Variants in GDF5 observed in about 807,000 individuals in gnomAD.
GDF5 encodes growth differentiation factor 5.
GDF5 carries 17 observed loss-of-function variants against 34.6 expected under a neutral mutation model. That is an observed-to-expected ratio of 0.49 (90% CI 0.34 to 0.74). The LOEUF is 0.74. GDF5 is among the 30% of genes least tolerant of loss of function. The probability of loss-of-function intolerance (pLI) is 0.01; values close to 1 mark genes in which losing one functional copy is unlikely to be tolerated. For missense variants in GDF5, 616 were observed against 661.2 expected (o/e 0.93, Z 0.75); for synonymous variants, 332 against 290.7 (o/e 1.14, Z -1.44).
In GDF5 at chr20:35,446,146, A is replaced by T. The variant is rs1180889389; in HGVS notation, c.-397-4759T>A. 2.0e-5 allele frequency among the ~76,000 whole-genome samples: 3 copies of T among 151,840 alleles called. No individual in the cohort carries two copies. In the East Asian group the frequency reaches 5.8e-4, roughly 29 times the overall value. ...AACATGGTGAAACCCCGTCTCTACT[A>T]AAAATACAAAAAAAATAGCTGAATG... is the stretch of plus-strand genomic sequence containing the variant. On this transcript the variant is annotated intron_variant, in intron 1 of 3. Transcript: ENST00000374372.
At chr20:35,454,222 G>A (rs146360854) in intron 1 of GDF5, 14,495 of 352,314 alleles carry the variant, frequency 0.041, 563 homozygotes, top group South Asian at 0.11. Flanking sequence ...GGGAGGCCGA[G>A]GCGGGAGGAT....
upstream of GDF5, among the ~76,000 whole-genome samples, chr20:35,438,877 G>GTA (rs1276673232): frequency 1.2e-5 from 1 of 81,522 alleles, no homozygotes; most frequent in African/African-American, 3.5e-5. Flanking sequence ...GCCTGTGTGT[G>GTA]TGTGTGCCTG....
chr20:35,437,758 G>A lies in GDF5; in HGVS notation c.171C>T (p.Val57=). The A allele has an allele frequency of 6.2e-7, 1 of 1,612,590 alleles. No individual in the cohort carries two copies. The highest frequency in any genetic ancestry group is 8.5e-7 in the Non-Finnish European group (1 of 1,179,248). Residue 57 remains valine (V), a synonymous_variant, in exon 1 of 2, where the codon GTC becomes GTT. Coordinates refer to ENST00000374369, the MANE Select transcript of GDF5 (RefSeq NM_000557.5). ...CATAGCTGTGACCCCCTGGCCTGAA[G>A]ACGTTCCGGGCCAGGGGGGGCCTCT... The part of the protein sequence containing the change: ...AKERPPLARN[V]FRPGGHSYGG...
Position 35,437,454 on chromosome 20 carries a change from T to C in GDF5, c.475A>G (p.Lys159Glu), listed in dbSNP as rs1429891215. ...ATGGGGGGTGGGCGAAACGGCTCCT[T>C]GGGCTCTCGTGGGGGCCCGGGCTCC... ...AREPGPPREP[K>E]EPFRPPPITP... Residue 159 changes from lysine to glutamate, a missense_variant, in exon 1 of 2, where the codon AAG becomes GAG. Transcript: ENST00000374369. The C allele has an allele frequency of 1.2e-6, 2 of 1,613,932 alleles. No individual in the cohort carries two copies. The highest frequency in any genetic ancestry group is 1.7e-6 in the Non-Finnish European group (2 of 1,179,984).
At chr20:35,446,373 A>G (rs1441244342) in intron 1 of GDF5, among the ~76,000 whole-genome samples, 1 of 152,030 alleles carries the variant, frequency 6.6e-6, no homozygotes, top group Non-Finnish European at 1.5e-5. Flanking sequence ...GTGTTTATAT[A>G]TGTAAAGTAC....
At chr20:35,437,088 C>A (rs1048069645) in intron 1 of GDF5, among the ~76,000 whole-genome samples, 4 of 152,166 alleles carry the variant, frequency 2.6e-5, no homozygotes, top group Non-Finnish European at 4.4e-5. Flanking sequence ...AGGCGTTGGA[C>A]CTGGTGCTTC....
In GDF5 at chr20:35,434,706, C is replaced by T. The variant is rs751241018; in HGVS notation, c.709G>A (p.Ala237Thr). The T allele has an allele frequency of 1.9e-6, 3 of 1,611,960 alleles. No homozygotes were observed. Among genetic ancestry groups the T allele is most frequent in the African/African-American group, 1.3e-5 (1 of 74,924 alleles). The change falls in exon 2 of 2, where the codon GCC becomes ACC. Residue 237 changes from alanine (A) to threonine (T), a missense_variant. Coordinates refer to ENST00000374369, the MANE Select transcript of GDF5 (RefSeq NM_000557.5). ...SALEKDGLLGAELRILRKKPS... is the reference protein window; with the variant it reads ...SALEKDGLLGTELRILRKKPS... The stretch of plus-strand genomic sequence containing the variant: ...TTCTTCCGCAAGATCCGCAGCTCGG[C>T]CCCCAGCAGCCCATCCTTCTCCAGG...
upstream of GDF5, among the ~76,000 whole-genome samples, chr20:35,440,967 T>C (rs1460950509): frequency 6.6e-6 from 1 of 152,220 alleles, no homozygotes; most frequent in Admixed American, 6.5e-5. Context: ...TTTGTGGACA[T>C]AACCTGCCTT....
intron 1 of GDF5, among the ~76,000 whole-genome samples, chr20:35,451,273 G>C (rs1168297136): frequency 3.3e-5 from 5 of 151,782 alleles, no homozygotes; most frequent in Admixed American, 6.6e-5. Context: ...GAGAGGGTTT[G>C]AGTACAAGGC....
chr20:35,446,659 A>T (rs2062515112), intron 1 of GDF5, among the ~76,000 whole-genome samples: 1 of 152,098 alleles, frequency 6.6e-6, no homozygotes, highest in Admixed American at 6.6e-5. Context: ...TCCACTGTTA[A>T]TATTGTCCTT....
chr20:35,454,098 C>G, intron 1 of GDF5: 1 of 472,638 alleles, frequency 2.1e-6, no homozygotes, highest in South Asian at 1.5e-5. Context: ...AAATTGAGAA[C>G]CACTGAGTGC....
At chr20:35,440,272 C>T (rs2062493759), upstream of GDF5, among the ~76,000 whole-genome samples, 1 of 151,488 alleles carries the variant, frequency 6.6e-6, no homozygotes, top group Non-Finnish European at 1.5e-5. Flanking sequence ...CACCACTGCA[C>T]TCCAGCCTAG....
intron 1 of GDF5, among the ~76,000 whole-genome samples, chr20:35,451,050 A>T (rs1370681167): frequency 9.2e-4 from 53 of 57,514 alleles, no homozygotes; most frequent in East Asian, 1.7e-3. Context: ...CAGAAAAAAA[A>T]AAAAAAAAAA....
chr20:35,438,358 T>TCACACACACACACACACA (rs3055779), upstream of GDF5: 27 of 160,012 alleles, frequency 1.7e-4, 1 homozygote, highest in East Asian at 5.2e-4. Flanking sequence ...TGAAAATACT[T>TCACACACACACACACACA]CACACACACA....
chr20:35,442,218 C>T (rs2062500114), upstream of GDF5, among the ~76,000 whole-genome samples: 2 of 152,138 alleles, frequency 1.3e-5, no homozygotes, highest in Admixed American at 1.3e-4. Flanking sequence ...GCAATCTCAG[C>T]TCACTGCAAC....
At chr20:35,443,323 T>A (rs1270206165) in intron 1 of GDF5, among the ~76,000 whole-genome samples, 4 of 151,830 alleles carry the variant, frequency 2.6e-5, no homozygotes, top group Admixed American at 2.6e-4. Flanking sequence ...AACCTCCCCC[T>A]CTCCTGTCAG....
upstream of GDF5, among the ~76,000 whole-genome samples, chr20:35,438,824 C>CGTGTGTGTGTGTGTGTGTGT (rs57641919): frequency 2.4e-3 from 298 of 126,456 alleles, 1 homozygote; most frequent in Admixed American, 2.7e-3. Flanking sequence ...ATTTGTTATG[C>CGTGTGTGTGTGTGTGTGTGT]GTGTGTGTGT....
rs2062451465 is a variant in GDF5, at chr20:35,433,443, C to A, written c.*466G>T. 2 of 325,006 alleles carry A rather than the reference C, an allele frequency of 6.2e-6. No individual in the cohort carries two copies. The highest frequency in any genetic ancestry group is 5.2e-5 in the South Asian group (2 of 38,362). The allele number at this position is 325,006 out of a possible 1,614,324, so 20.1% of individuals were successfully genotyped here. A position where few individuals can be genotyped will look rare whatever the true frequency, so the allele number is the denominator to read the frequency against. On this transcript the variant is annotated 3_prime_UTR_variant, in exon 2 of 2. Transcript: ENST00000374369. ...CTCAACTCTATCCAAGCCCTCTCCTCTTCTCTCCCACTCTTGCCCAGTCAG... is the reference window on the plus strand; with the variant it reads ...CTCAACTCTATCCAAGCCCTCTCCTATTCTCTCCCACTCTTGCCCAGTCAG...
Position 35,434,158 on chromosome 20 carries a change from G to A in GDF5, c.1257C>T (p.Ile419=), listed in dbSNP as rs893539517. Residue 419 remains isoleucine (I), a synonymous_variant, in exon 2 of 2, where the codon ATC becomes ATT. Coordinates refer to ENST00000374369, the MANE Select transcript of GDF5 (RefSeq NM_000557.5). ...FKDMGWDDWI[I]APLEYEAFHC... is the part of the protein sequence containing the mutation. ...GGAAAGCCTCGTACTCAAGGGGTGC[G>A]ATGATCCAGTCGTCCCAGCCCATGT... The A allele has an allele frequency of 2.8e-5, 45 of 1,614,068 alleles. No homozygotes were observed. The Admixed American group carries it at 3.0e-4, about 11-fold the overall frequency.
Sources: allele counts gnomAD v4.1 joint callset (sites outside exome capture counted in the v4.1 genomes callset), GRCh38; gene constraint gnomAD v4.1.1; transcripts MANE v1.5; gene names NCBI Gene and HGNC (gene_info 2026-07-23, HGNC 2026-07-21).